Variants in CLSTN2 observed in about 807,000 individuals in gnomAD.
CLSTN2 encodes calsyntenin-2.
A neutral mutation model predicts 101.2 loss-of-function variants in CLSTN2; 48 were observed. The ratio of observed to expected loss-of-function variants is 0.47; its 90% CI spans 0.38 to 0.60. CLSTN2 has a LOEUF of 0.60. Among genes scored for constraint, CLSTN2 ranks in the 20% least tolerant of loss-of-function variants. The pLI is 0.00. For missense variants in CLSTN2, 1,160 were observed against 1,238.2 expected (o/e 0.94, Z 0.95); for synonymous variants, 481 against 463.6 (o/e 1.04, Z -0.48).
At chr3:140,185,856 A>G (rs2010478514) in intron 2 of CLSTN2, among the ~76,000 whole-genome samples, 2 of 152,158 alleles carry the variant, frequency 1.3e-5, no homozygotes, top group South Asian at 4.1e-4. Flanking sequence ...CCTGAAGGGA[A>G]TGATAGCCTC....
intron 1 of CLSTN2, among the ~76,000 whole-genome samples, chr3:140,111,976 A>G (rs1018751858): frequency 2.0e-5 from 3 of 152,186 alleles, no homozygotes; most frequent in Non-Finnish European, 4.4e-5. Context: ...CTTCAAATCC[A>G]CAGTCCAACC....
chr3:140,103,431 G>A (rs1221527218), intron 1 of CLSTN2, among the ~76,000 whole-genome samples: 1 of 152,144 alleles, frequency 6.6e-6, no homozygotes, highest in African/African-American at 2.4e-5. Context: ...ACAATTTTCT[G>A]TCAACCTCCC....
In CLSTN2 at chr3:140,261,108, T is replaced by A. The variant is rs183923334; in HGVS notation, c.232+85035T>A. Among the ~76,000 whole-genome samples, 82 of 152,302 alleles carry A rather than the reference T, an allele frequency of 5.4e-4. No individual in the cohort carries two copies. The East Asian group carries it at 7.5e-3, about 14-fold the overall frequency. ...GTTACTCATTTTTCCCTGCCCTCTT[T>A]TCTTAATACAGTGTTTGGAAATGAC... On this transcript the variant is annotated intron_variant, in intron 2 of 16. Coordinates refer to ENST00000458420, the MANE Select transcript of CLSTN2 (RefSeq NM_022131.3).
intron 1 of CLSTN2, among the ~76,000 whole-genome samples, chr3:140,134,078 T>C (rs2009563167): frequency 6.6e-6 from 1 of 152,148 alleles, no homozygotes; most frequent in Non-Finnish European, 1.5e-5. Flanking sequence ...CTTGGGAAAC[T>C]GTTTGTACTT....
rs1936028923 is a variant in CLSTN2, at chr3:140,566,427, G to C, written c.*174G>C. 1.5e-6 allele frequency: 1 copy of C among 655,882 alleles called. No individual in the cohort carries two copies. The allele number at this position is 655,882 out of a possible 1,614,324, so 40.6% of individuals were successfully genotyped here. ...GGCACTCCCTGTGTTTCATCCATGG[G>C]GAAGTTCCAAGAAGCCCAGCATGGC... On this transcript the variant is annotated 3_prime_UTR_variant, in exon 17 of 17. Transcript: ENST00000458420.
intron 2 of CLSTN2, among the ~76,000 whole-genome samples, chr3:140,276,753 T>C (rs558679950): frequency 5.9e-5 from 9 of 152,188 alleles, no homozygotes; most frequent in Non-Finnish European, 1.0e-4. Context: ...AAAACTAGTA[T>C]GGTTGGTCTC....
chr3:140,537,437 A>G (rs944962597), intron 9 of CLSTN2, among the ~76,000 whole-genome samples: 1 of 152,230 alleles, frequency 6.6e-6, no homozygotes, highest in African/African-American at 2.4e-5. Context: ...GGAAAGGCCT[A>G]CAGCATGTGG....
At chr3:140,489,197 G>A (rs1478258562) in intron 8 of CLSTN2, among the ~76,000 whole-genome samples, 1 of 152,106 alleles carries the variant, frequency 6.6e-6, no homozygotes, top group Admixed American at 6.6e-5. Context: ...GGAGAATCGT[G>A]GTTGACATTG....
At chr3:140,092,624 C>T (rs1351736548) in intron 1 of CLSTN2, among the ~76,000 whole-genome samples, 1 of 152,180 alleles carries the variant, frequency 6.6e-6, no homozygotes, top group Non-Finnish European at 1.5e-5. Context: ...GGGAAACCAT[C>T]AGGTGAAGTC....
At chr3:140,286,214 T>C (rs2086894676) in intron 2 of CLSTN2, among the ~76,000 whole-genome samples, 1 of 152,178 alleles carries the variant, frequency 6.6e-6, no homozygotes, top group South Asian at 2.1e-4. Flanking sequence ...CAATAGCCTG[T>C]GGAATAGACC....
At chr3:140,512,841 C>G (rs529545785) in intron 8 of CLSTN2, among the ~76,000 whole-genome samples, 1 of 152,028 alleles carries the variant, frequency 6.6e-6, no homozygotes, top group Non-Finnish European at 1.5e-5. Flanking sequence ...CCCTTGTTAG[C>G]TGTATTCCCA....
At chr3:140,251,495 A>T (rs1459148129) in intron 2 of CLSTN2, among the ~76,000 whole-genome samples, 2 of 152,130 alleles carry the variant, frequency 1.3e-5, no homozygotes, top group African/African-American at 4.8e-5. Context: ...AACTTTGAAG[A>T]TATTATCTTT....
intron 1 of CLSTN2, among the ~76,000 whole-genome samples, chr3:139,937,914 C>T (rs564625388): frequency 6.6e-6 from 1 of 151,498 alleles, no homozygotes; most frequent in South Asian, 2.1e-4. Context: ...ATTTTTTTTT[C>T]AAGATAAATG....
At position 140,523,265 on chromosome 3, in the gene CLSTN2, CTTCAGGCT is replaced by C. The variant is rs572764726; in HGVS notation, c.1345-9056_1345-9049del. On this transcript the variant is annotated intron_variant, in intron 8 of 16. Transcript: ENST00000458420. ...CCCGAATTCAGACAGTCCTTTGAAG[CTTCAGGCT>C]TTATGCAGACATCCCATCTCAAGTT... Among the ~76,000 whole-genome samples the C allele has an allele frequency of 3.9e-5, 6 of 152,250 alleles. No homozygotes were observed. In the South Asian group the frequency reaches 1.2e-3, roughly 32 times the overall value.
intron 1 of CLSTN2, among the ~76,000 whole-genome samples, chr3:140,136,046 G>A (rs1449855295): frequency 1.3e-5 from 2 of 152,174 alleles, no homozygotes; most frequent in Non-Finnish European, 2.9e-5. Flanking sequence ...CATTCTTAAT[G>A]AGCAGTTCCT....
intron 2 of CLSTN2, among the ~76,000 whole-genome samples, chr3:140,328,140 C>T (rs1340818711): frequency 6.6e-6 from 1 of 152,226 alleles, no homozygotes; most frequent in East Asian, 1.9e-4. Flanking sequence ...TCTCCAGCCA[C>T]AGACTAGGAA....
At chr3:140,359,496 C>A (rs1004942570) in intron 2 of CLSTN2, among the ~76,000 whole-genome samples, 14 of 152,306 alleles carry the variant, frequency 9.2e-5, no homozygotes, top group African/African-American at 3.4e-4. Context: ...AGGAATGGGG[C>A]TTTTGATTCT....
chr3:139,974,624 T>C (rs1935779367), intron 1 of CLSTN2, among the ~76,000 whole-genome samples: 1 of 152,238 alleles, frequency 6.6e-6, no homozygotes, highest in Non-Finnish European at 1.5e-5. Flanking sequence ...AAATTGAAAT[T>C]GGGCAGGAAG....
At chr3:140,259,910 G>A (rs1034054886) in intron 2 of CLSTN2, among the ~76,000 whole-genome samples, 5 of 151,856 alleles carry the variant, frequency 3.3e-5, no homozygotes, top group African/African-American at 7.3e-5. Flanking sequence ...TGTGTACTTT[G>A]TTCTAATAAA....
Sources: gnomAD v4.1 joint callset for allele counts (sites outside exome capture counted in the v4.1 genomes callset) on GRCh38, gnomAD v4.1.1 for gene constraint, MANE v1.5 for transcripts, NCBI Gene and HGNC (gene_info 2026-07-23, HGNC 2026-07-21) for gene names.